CADM1: variants seen among roughly 807,000 people sequenced by gnomAD.
CADM1 encodes the protein TSLC-1.
In CADM1, 15 loss-of-function variants were observed where a neutral mutation model predicts 53.1. That is an observed-to-expected ratio of 0.28 (90% CI 0.19 to 0.44). The LOEUF (loss-of-function observed/expected upper bound fraction) is 0.44, where lower values mean the gene tolerates loss of function less well. Among genes scored for constraint, CADM1 ranks in the 20% least tolerant of loss-of-function variants. The pLI, the probability that CADM1 is intolerant of heterozygous loss-of-function variation, is 1.00. For synonymous variants in CADM1, 281 were observed against 243.0 expected (o/e 1.16, Z -1.45); for missense variants, 434 against 611.3 (o/e 0.71, Z 3.06).
chr11:115,245,499 G>A (rs1452319654), intron 1 of CADM1, among the ~76,000 whole-genome samples: 1 of 152,144 alleles, frequency 6.6e-6, no homozygotes, highest in Non-Finnish European at 1.5e-5. Context: ...AGCTTCAAAT[G>A]ACTTGTCAAT....
intron 3 of CADM1, among the ~76,000 whole-genome samples, chr11:115,237,288 T>C (rs528952428): frequency 3.3e-4 from 50 of 152,322 alleles, no homozygotes; most frequent in African/African-American, 1.1e-3. Context: ...GTGACAAATA[T>C]GAATACGTGA....
At chr11:115,217,853 G>T in intron 6 of CADM1, 39 bp downstream of exon 6, 2 of 1,259,292 alleles carry the variant, frequency 1.6e-6, no homozygotes, top group Non-Finnish European at 2.3e-6. Context: ...GACATTTACT[G>T]CGCATGACCC....
chr11:115,190,808 C>A (rs1012077787), intron 10 of CADM1, 80 bp downstream of exon 10: 2 of 1,240,328 alleles, frequency 1.6e-6, no homozygotes, highest in African/African-American at 3.0e-5. Flanking sequence ...GCTCAGCAAA[C>A]CAAATGGCCA....
intron 1 of CADM1, among the ~76,000 whole-genome samples, chr11:115,299,375 A>C (rs1029620414): frequency 2.6e-5 from 4 of 152,058 alleles, no homozygotes; most frequent in African/African-American, 7.2e-5. Context: ...GGGAGAACAA[A>C]TTTTTTTGTT....
intron 1 of CADM1, among the ~76,000 whole-genome samples, chr11:115,368,635 C>T (rs1003075895): frequency 1.3e-5 from 2 of 152,072 alleles, no homozygotes; most frequent in African/African-American, 2.4e-5. Flanking sequence ...CTGAATAGCC[C>T]ATAATAATTT....
chr11:115,341,785 G>GA (rs1945455445), intron 1 of CADM1, among the ~76,000 whole-genome samples: 3 of 152,088 alleles, frequency 2.0e-5, no homozygotes, highest in Admixed American at 2.0e-4. Flanking sequence ...TTTTTGAACA[G>GA]AAAATAAATA....
chr11:115,334,049 T>A (rs1269226371), intron 1 of CADM1, among the ~76,000 whole-genome samples: 1 of 152,190 alleles, frequency 6.6e-6, no homozygotes, highest in Non-Finnish European at 1.5e-5. Context: ...TTCTTGCAGC[T>A]GCATCTCTCA....
At chr11:115,457,311 T>TA (rs1948702157) in intron 1 of CADM1, among the ~76,000 whole-genome samples, 2 of 152,206 alleles carry the variant, frequency 1.3e-5, no homozygotes, top group Non-Finnish European at 2.9e-5. Flanking sequence ...TCGAATCTGG[T>TA]AAAAGTGTGC....
chr11:115,227,820 T>C (rs1024126460), intron 5 of CADM1, among the ~76,000 whole-genome samples: 1 of 152,240 alleles, frequency 6.6e-6, no homozygotes, highest in East Asian at 1.9e-4. Context: ...TAACTTTTCC[T>C]GCCTTCCCAT....
At chr11:115,242,561 C>A (rs549288770) in intron 1 of CADM1, among the ~76,000 whole-genome samples, 2 of 152,014 alleles carry the variant, frequency 1.3e-5, no homozygotes, top group African/African-American at 4.8e-5. Flanking sequence ...TCAGGTAATG[C>A]GCGATCTACT....
chr11:115,450,881 T>C (rs1948556929), intron 1 of CADM1, among the ~76,000 whole-genome samples: 2 of 152,190 alleles, frequency 1.3e-5, no homozygotes, highest in African/African-American at 4.8e-5. Context: ...TGGTGAGATC[T>C]TTCCCCCACA....
chr11:115,404,349 ATATATATATATATATATATATATAT>A, intron 1 of CADM1, among the ~76,000 whole-genome samples: 1 of 23,222 alleles, frequency 4.3e-5, no homozygotes, highest in East Asian at 9.9e-4. Flanking sequence ...AAAAAAAAAT[ATATATATATATATATATATATATAT>A]ATATATATAT....
intron 1 of CADM1, among the ~76,000 whole-genome samples, chr11:115,288,498 T>C (rs547981480): frequency 2.6e-5 from 4 of 152,234 alleles, no homozygotes; most frequent in African/African-American, 9.6e-5. Flanking sequence ...TCTATATAAC[T>C]TGGCTTTCAA....
chr11:115,494,510 G>A (rs1450006625), intron 1 of CADM1, among the ~76,000 whole-genome samples: 5 of 152,064 alleles, frequency 3.3e-5, no homozygotes, highest in Non-Finnish European at 5.9e-5. Flanking sequence ...ATCATTGTCA[G>A]TTTCCCCAAG....
chr11:115,409,689 T>C (rs1396035520), intron 1 of CADM1, among the ~76,000 whole-genome samples: 1 of 152,038 alleles, frequency 6.6e-6, no homozygotes, highest in East Asian at 1.9e-4. Context: ...TCTGGGTTCC[T>C]TGACCCTCAA....
chr11:115,284,114 C>CTGTG lies in CADM1; in HGVS notation c.125-43698_125-43695dup, dbSNP rs751286330. Among the ~76,000 whole-genome samples the CTGTG allele has an allele frequency of 8.5e-4, 84 of 98,672 alleles. 1 individual carries two copies. The highest frequency in any genetic ancestry group is 3.9e-3 in the South Asian group (12 of 3,094). The allele number at this position is 98,672 out of a possible 152,430, so 64.7% of individuals were successfully genotyped here. A position where few individuals can be genotyped will look rare whatever the true frequency, so the allele number is the denominator to read the frequency against. On this transcript the variant is annotated intron_variant, in intron 1 of 11. Transcript: ENST00000331581. ...TCTCTCTCTCTCTCTCTCTCTCTCT[C>CTGTG]TGTGTGTGTGTGTGTGTGTGTGTGT...
intron 10 of CADM1, 48 bp downstream of exon 10, chr11:115,190,840 A>T: frequency 6.7e-7 from 1 of 1,486,206 alleles, no homozygotes; most frequent in Non-Finnish European, 9.2e-7. Flanking sequence ...TGGATAGAGC[A>T]CCCACAGGTT....
At chr11:115,258,978 A>G (rs1942879731) in intron 1 of CADM1, among the ~76,000 whole-genome samples, 1 of 152,160 alleles carries the variant, frequency 6.6e-6, no homozygotes, top group Non-Finnish European at 1.5e-5. Flanking sequence ...AAAGAGAAAA[A>G]TGTTAACTTT....
chr11:115,436,746 A>G (rs989614416), intron 1 of CADM1, among the ~76,000 whole-genome samples: 2 of 152,206 alleles, frequency 1.3e-5, no homozygotes, highest in African/African-American at 2.4e-5. Flanking sequence ...TTCTATGTGT[A>G]TAAGTTTCTG....
Sources: allele counts gnomAD v4.1 joint callset (sites outside exome capture counted in the v4.1 genomes callset), GRCh38; gene constraint gnomAD v4.1.1; transcripts MANE v1.5; gene names NCBI Gene and HGNC (gene_info 2026-07-23, HGNC 2026-07-21).